TMEM253: variants seen among roughly 807,000 people sequenced by gnomAD.
TMEM253 encodes transmembrane protein C14orf176.
Under a neutral mutation model 20.3 loss-of-function variants are expected in TMEM253, and 22 were observed. The ratio of observed to expected loss-of-function variants is 1.08; its 90% CI spans 0.78 to 1.55. The LOEUF is 1.55. Among genes scored for constraint, TMEM253 ranks in the 40% most tolerant of loss-of-function variants. The pLI is 0.00. For missense variants in TMEM253, 251 were observed against 266.1 expected (o/e 0.94, Z 0.39); for synonymous variants, 92 against 102.6 (o/e 0.90, Z 0.62).
chr14:21,102,914 G>T, intron 6 of TMEM253, 135 bp downstream of exon 6: 1 of 1,382,946 alleles, frequency 7.2e-7, no homozygotes, highest in Non-Finnish European at 9.6e-7. Context: ...AAACTGATTG[G>T]CTTTCTCTGG....
intron 1 of TMEM253, 59 bp downstream of exon 1, chr14:21,101,243 C>A: frequency 1.8e-6 from 2 of 1,098,394 alleles, no homozygotes; most frequent in South Asian, 1.5e-5. Flanking sequence ...AGAGGTGTAG[C>A]TGAAAGATAC....
chr14:21,102,930 A>T, intron 6 of TMEM253, 151 bp downstream of exon 6: 1 of 1,366,918 alleles, frequency 7.3e-7, no homozygotes, highest in Non-Finnish European at 9.8e-7. Context: ...TCTGGCTTTG[A>T]ACATTTCTCC....
intron 2 of TMEM253, 155 bp from the exon 3 acceptor site, chr14:21,101,710 T>C: frequency 1.5e-6 from 1 of 672,772 alleles, no homozygotes; most frequent in Non-Finnish European, 2.5e-6. Flanking sequence ...AATTAAATGA[T>C]ACTTAATTTT....
In TMEM253 at chr14:21,103,346, G is replaced by A. The variant is rs537619570; in HGVS notation, c.*88G>A. On this transcript the variant is annotated 3_prime_UTR_variant, in exon 7 of 7. Coordinates refer to ENST00000556585, the Ensembl canonical transcript of TMEM253. ...TTCGAGTCCAATAGGAAGTCCGGGA[G>A]TGCCTTCAGTTTTCACTCAAAGCAG... 6.1e-6 allele frequency: 9 copies of A among 1,473,450 alleles called. No individual in the cohort carries two copies. The African/African-American group carries it at 1.3e-4, about 21-fold the overall frequency. 91.3% of individuals were successfully genotyped at this position (1,473,450 alleles called of 1,614,324 possible). A position where few individuals can be genotyped will look rare whatever the true frequency, so the allele number is the denominator to read the frequency against.
upstream of TMEM253, chr14:21,098,903 A>G (rs1193170908): frequency 1.6e-6 from 2 of 1,259,254 alleles, no homozygotes; most frequent in Non-Finnish European, 2.1e-6. Flanking sequence ...CCTCTCCCTT[A>G]CAATTTCTGT....
Position 21,102,521 on chromosome 14 carries a change from G to C in TMEM253, c.387+6G>C, listed in dbSNP as rs1342177469. 79 of 1,551,630 alleles carry C rather than the reference G, an allele frequency of 5.1e-5. No individual in the cohort carries two copies. Among genetic ancestry groups the C allele is most frequent in the Non-Finnish European group, 6.5e-5 (75 of 1,147,016 alleles). ...CCCCAACTGCCTCCTCCCAGGTACT[G>C]GTCAATGAAGGAGAAGGTGGGAGGA... On this transcript the variant is annotated splice_donor_region_variant and intron_variant, in intron 5 of 6. Coordinates refer to ENST00000556585, the Ensembl canonical transcript of TMEM253.
rs1039472796 is a variant in TMEM253, at chr14:21,103,220, C to G, written c.616C>G (p.Gln206Glu). The change falls in exon 7 of 7, where the codon CAG becomes GAG. Residue 206 changes from glutamine to glutamate, a missense_variant. Coordinates refer to ENST00000556585, the Ensembl canonical transcript of TMEM253. ...CACAGGAGCAAATGAGAGGGTGGGA[C>G]AGCGGGAACAGACACGTGCTGCTCT... 3 of 1,551,662 alleles carry G rather than the reference C, an allele frequency of 1.9e-6. No individual in the cohort carries two copies. The East Asian group carries it at 7.3e-5, about 38-fold the overall frequency.
intron 6 of TMEM253, 50 bp from the exon 7 acceptor site, chr14:21,103,089 T>C: frequency 6.4e-7 from 1 of 1,551,288 alleles, no homozygotes; most frequent in Non-Finnish European, 8.7e-7. Flanking sequence ...TGTCTGGGGT[T>C]TCTCCTTTCT....
At chr14:21,100,532 G>GAGATAGATAGATAGATAGATAGAT (rs3062000), upstream of TMEM253, among the ~76,000 whole-genome samples, 1 of 150,116 alleles carries the variant, frequency 6.7e-6, no homozygotes, top group African/African-American at 2.5e-5. Flanking sequence ...TGAGGACCAT[G>GAGATAGATAGATAGATAGATAGAT]AGATAGATAG....
intron 4 of TMEM253, 38 bp downstream of exon 4, chr14:21,102,158 C>A: frequency 6.5e-7 from 1 of 1,534,686 alleles, no homozygotes; most frequent in South Asian, 1.2e-5. Flanking sequence ...CCTCCCACTC[C>A]CTAAAACAGA....
intron 4 of TMEM253, 70 bp downstream of exon 4, chr14:21,102,190 G>A: frequency 6.7e-7 from 1 of 1,492,420 alleles, no homozygotes; most frequent in Non-Finnish European, 9.0e-7. Flanking sequence ...CTCAGCCTAG[G>A]AAGTAAGTGG....
intron 1 of TMEM253, 23 bp from the exon 2 acceptor site, chr14:21,101,285 A>T: frequency 6.8e-7 from 1 of 1,470,534 alleles, no homozygotes; most frequent in South Asian, 1.2e-5. Flanking sequence ...TAATAGACAG[A>T]ACCTATAACG....
intron 4 of TMEM253, 23 bp from the exon 5 acceptor site, chr14:21,102,382 G>A (rs1889695555): frequency 6.4e-7 from 1 of 1,551,262 alleles, no homozygotes; most frequent in Non-Finnish European, 8.7e-7. Flanking sequence ...AGGCTGGGCA[G>A]GGCTGAGCTG....
In TMEM253 at chr14:21,101,469, C is replaced by A. The variant is rs1359446424; in HGVS notation, c.108+18C>A. ...TGCTAGCGGTGAGGCCAGGCTACCC[C>A]ATCCCAGGTCTCAGCATGTCCACTT... is the stretch of plus-strand genomic sequence containing the variant. On this transcript the variant is annotated intron_variant, in intron 2 of 6. Coordinates refer to ENST00000556585, the Ensembl canonical transcript of TMEM253. 2.6e-6 allele frequency: 4 copies of A among 1,545,798 alleles called. No individual in the cohort carries two copies. In the South Asian group the frequency reaches 4.8e-5, roughly 18 times the overall value.
chr14:21,101,579 G>A (rs1456610458), intron 2 of TMEM253, 128 bp downstream of exon 2: 3 of 872,916 alleles, frequency 3.4e-6, no homozygotes, highest in Non-Finnish European at 3.5e-6. Context: ...GTTCTGAATG[G>A]GAGGAGGGTA....
upstream of TMEM253, among the ~76,000 whole-genome samples, chr14:21,100,369 T>TATAATAATAATAATAATAATA (rs3061999): frequency 5.4e-5 from 8 of 149,324 alleles, no homozygotes; most frequent in Admixed American, 2.0e-4. Context: ...GTCTCAATAA[T>TATAATAATAATAATAATAATA]ATAATAATAA....
chr14:21,100,869 G>T (rs1325986942), upstream of TMEM253, among the ~76,000 whole-genome samples: 3 of 152,206 alleles, frequency 2.0e-5, no homozygotes, highest in African/African-American at 7.2e-5. Flanking sequence ...TTGAGGTCCA[G>T]AGTGATAGTG....
Position 21,102,389 on chromosome 14 carries a change from GCTGGCTCA to G in TMEM253, c.277-10_277-3del. 6.4e-7 allele frequency: 1 copy of G among 1,551,576 alleles called. No individual in the cohort carries two copies. Among genetic ancestry groups the G allele is most frequent in the Non-Finnish European group, 8.7e-7 (1 of 1,146,888 alleles). ...ACTCCCCTAGGCTGGGCAGGGCTGA[GCTGGCTCA>G]CTGGCAGGTGCGGGCCATGATGATA... is the stretch of plus-strand genomic sequence containing the variant. On this transcript the variant is annotated splice_region_variant and splice_polypyrimidine_tract_variant and intron_variant, in intron 4 of 6. Transcript: ENST00000556585.
At chr14:21,101,321 T>C in exon 2 of TMEM253, 1 of 1,550,412 alleles carries the variant, frequency 6.4e-7, no homozygotes, top group South Asian at 1.2e-5. Flanking sequence ...AGGAAGCACC[T>C]AATTCTTGTG....
Sources: gnomAD v4.1 joint callset for allele counts (sites outside exome capture counted in the v4.1 genomes callset) on GRCh38, gnomAD v4.1.1 for gene constraint, MANE v1.5 for transcripts, NCBI Gene and HGNC (gene_info 2026-07-23, HGNC 2026-07-21) for gene names.